VPS37A: variants seen among roughly 807,000 people sequenced by gnomAD.
VPS37A encodes the protein vacuolar protein sorting-associated protein 37A.
VPS37A carries 30 observed loss-of-function variants against 49.8 expected under a neutral mutation model. The ratio of observed to expected loss-of-function variants is 0.60; its 90% CI spans 0.45 to 0.82. The LOEUF is 0.82. Among genes scored for constraint, VPS37A ranks in the 40% least tolerant of loss-of-function variants. The pLI is 0.00. For synonymous variants in VPS37A, 195 were observed against 160.6 expected (o/e 1.21, Z -1.62); for missense variants, 593 against 464.4 (o/e 1.28, Z -2.55).
intron 1 of VPS37A, among the ~76,000 whole-genome samples, chr8:17,265,080 C>CA (rs879800573): frequency 5.9e-5 from 9 of 152,120 alleles, no homozygotes; most frequent in Admixed American, 5.9e-4. Context: ...TTGACAGTTG[C>CA]ATAGTCATCA....
downstream of VPS37A, chr8:17,300,047 C>A: frequency 1.9e-6 from 3 of 1,614,138 alleles, no homozygotes; most frequent in Non-Finnish European, 2.5e-6. Context: ...AGAGCAGAAT[C>A]TTCATCGCCT....
At chr8:17,269,067 C>G (rs929775105) in intron 4 of VPS37A, 111 bp downstream of exon 4, 5 of 716,834 alleles carry the variant, frequency 7.0e-6, no homozygotes, top group Non-Finnish European at 1.1e-5. Context: ...ATTTCTACAT[C>G]CCCACAAATA....
chr8:17,264,537 A>C (rs912931953), intron 1 of VPS37A, among the ~76,000 whole-genome samples: 7 of 152,206 alleles, frequency 4.6e-5, no homozygotes, highest in Non-Finnish European at 1.0e-4. Context: ...AGGAAAGCTT[A>C]TCTACATCTA....
At chr8:17,260,840 C>G (rs1264096053) in intron 1 of VPS37A, among the ~76,000 whole-genome samples, 1 of 152,126 alleles carries the variant, frequency 6.6e-6, no homozygotes, top group Admixed American at 6.5e-5. Context: ...AGTCTGTTGC[C>G]AGACCAATTA....
Position 17,280,456 on chromosome 8 carries a change from ATTTTTTT to A in VPS37A, c.969+14_969+20del. The A allele has an allele frequency of 1.9e-6, 3 of 1,580,168 alleles. No homozygotes were observed. ...TGAACTTAGTGAGGTAAGACTGTTT[ATTTTTTT>A]CCCTTTGCCATAGATTTTTTTTTTA... On this transcript the variant is annotated intron_variant, in intron 9 of 11. Coordinates refer to ENST00000324849, the MANE Select transcript of VPS37A (RefSeq NM_152415.3).
chr8:17,308,366 G>A, the VPS37A span, among the ~76,000 whole-genome samples: 3 of 152,032 alleles, frequency 2.0e-5, no homozygotes, highest in Non-Finnish European at 4.4e-5. Flanking sequence ...CTAATTGGGG[G>A]CTTTAATTTT....
At chr8:17,293,750 C>G (rs2410517) in intron 11 of VPS37A, among the ~76,000 whole-genome samples, 106,495 of 152,146 alleles carry the variant, frequency 0.7, 38,380 homozygotes, top group African/African-American at 0.87. Context: ...GTCTACTCCA[C>G]ATCCTGTTTG....
At chr8:17,287,518 C>CA (rs1354363591) in intron 11 of VPS37A, among the ~76,000 whole-genome samples, 15 of 151,642 alleles carry the variant, frequency 9.9e-5, no homozygotes, top group South Asian at 2.1e-4. Context: ...ACTAAAAATA[C>CA]AAAAAAAATA....
intron 1 of VPS37A, among the ~76,000 whole-genome samples, chr8:17,254,107 G>A (rs137964603): frequency 6.6e-6 from 1 of 152,162 alleles, no homozygotes; most frequent in East Asian, 1.9e-4. Flanking sequence ...CACAGTTTGC[G>A]TGATTTTTTT....
At chr8:17,331,745 G>T in the VPS37A span, among the ~76,000 whole-genome samples, 1 of 152,150 alleles carries the variant, frequency 6.6e-6, no homozygotes, top group Non-Finnish European at 1.5e-5. Context: ...AAATAGGAAT[G>T]GTTGCATCAT....
In VPS37A at chr8:17,268,893, G is replaced by C; in HGVS notation, c.353G>C (p.Ser118Thr). ...TCAGATCTTGGAAAAATTATTCAGAGTCTGTTGGATGAGTTTTGGAAGAAT... is the reference window on the plus strand; with the variant it reads ...TCAGATCTTGGAAAAATTATTCAGACTCTGTTGGATGAGTTTTGGAAGAAT... The part of the protein sequence containing the change: ...MHSDLGKIIQ[S>T]LLDEFWKNPP... Residue 118 changes from serine to threonine, a missense_variant, in exon 4 of 12, where the codon AGT becomes ACT. Ser to Thr is a moderately conservative substitution (Grantham distance 58). Transcript: ENST00000324849. 6.2e-7 allele frequency: 1 copy of C among 1,610,346 alleles called. No individual in the cohort carries two copies. Among genetic ancestry groups the C allele is most frequent in the Non-Finnish European group, 8.5e-7 (1 of 1,179,274 alleles).
intron 9 of VPS37A, 130 bp from the exon 10 acceptor site, chr8:17,284,343 A>G (rs1815385696): frequency 9.2e-7 from 1 of 1,086,632 alleles, no homozygotes; most frequent in Admixed American, 3.8e-5. Context: ...AAGACAGCAG[A>G]TTTTCTCAAA....
intron 11 of VPS37A, among the ~76,000 whole-genome samples, chr8:17,290,602 G>A (rs962363256): frequency 1.3e-5 from 2 of 152,140 alleles, no homozygotes; most frequent in Non-Finnish European, 2.9e-5. Flanking sequence ...GAGGATTTTC[G>A]CATTGATGTT....
chr8:17,322,124 T>C, the VPS37A span, among the ~76,000 whole-genome samples: 3 of 119,476 alleles, frequency 2.5e-5, no homozygotes, highest in Non-Finnish European at 4.8e-5. Context: ...AGCACTTGTC[T>C]GAGTTCTGCC....
rs1354396769 is a variant in VPS37A at position 17,296,008 on chromosome 8, A to C, written c.*1022A>C. The C allele has an allele frequency of 6.6e-6, 1 of 152,208 alleles. No homozygotes were observed. The highest frequency in any genetic ancestry group is 1.5e-5 in the Non-Finnish European group (1 of 68,028). 9.4% of individuals were successfully genotyped at this position (152,208 alleles called of 1,614,324 possible). ...GAAGCCCTAAAAGCTCATAAAGGAA[A>C]ATGCCGTGAACTATGTAGCTCAGGC... is the stretch of plus-strand genomic sequence containing the variant. On this transcript the variant is annotated 3_prime_UTR_variant, in exon 12 of 12. Transcript: ENST00000324849.
intron 1 of VPS37A, among the ~76,000 whole-genome samples, chr8:17,254,570 A>G (rs541093619): frequency 5.3e-5 from 8 of 151,998 alleles, no homozygotes; most frequent in Non-Finnish European, 1.0e-4. Flanking sequence ...AACTGCTCCA[A>G]ACTTTATATT....
At chr8:17,300,168 T>A (rs3764796), downstream of VPS37A, 4 of 1,614,090 alleles carry the variant, frequency 2.5e-6, no homozygotes, top group Non-Finnish European at 2.5e-6. Context: ...TGGGCTCACT[T>A]TGCTTACTCT....
downstream of VPS37A, among the ~76,000 whole-genome samples, chr8:17,305,179 C>G (rs1817371705): frequency 6.6e-6 from 1 of 152,080 alleles, no homozygotes; most frequent in Non-Finnish European, 1.5e-5. Context: ...TGATCATTCC[C>G]CAAATTAAAT....
chr8:17,300,320 T>C, downstream of VPS37A: 5 of 1,296,680 alleles, frequency 3.9e-6, no homozygotes, highest in Non-Finnish European at 4.2e-6. Flanking sequence ...CCCACGTGGG[T>C]ATAATGTTAA....
Sources: gnomAD v4.1 joint callset for allele counts (sites outside exome capture counted in the v4.1 genomes callset) on GRCh38, gnomAD v4.1.1 for gene constraint, MANE v1.5 for transcripts, NCBI Gene and HGNC (gene_info 2026-07-23, HGNC 2026-07-21) for gene names.